NSMCE2: variants seen among roughly 807,000 people sequenced by gnomAD.
NSMCE2 encodes the protein NSE2 SUMO ligase component of SMC5/6 complex.
In NSMCE2, 24 loss-of-function variants were observed where a neutral mutation model predicts 23.8. That is an observed-to-expected ratio of 1.01 (90% CI 0.73 to 1.42). NSMCE2 has a LOEUF of 1.42. Ranked by LOEUF, NSMCE2 falls within the 40% of genes most tolerant of loss-of-function variation. NSMCE2 has a pLI of 0.00. For missense variants in NSMCE2, 284 were observed against 296.5 expected (o/e 0.96, Z 0.31); for synonymous variants, 92 against 94.1 (o/e 0.98, Z 0.13).
At chr8:125,325,137 CTACT>C (rs1342666825) in intron 5 of NSMCE2, among the ~76,000 whole-genome samples, 2 of 151,990 alleles carry the variant, frequency 1.3e-5, no homozygotes, top group Non-Finnish European at 2.9e-5. Flanking sequence ...GGACAGGAAG[CTACT>C]TACTTAAATG....
At chr8:125,333,505 C>CTTTTTTTTTTTTTTTTTTTTTTT in intron 5 of NSMCE2, among the ~76,000 whole-genome samples, 1 of 45,638 alleles carries the variant, frequency 2.2e-5, no homozygotes, top group Non-Finnish European at 3.8e-5. Flanking sequence ...CCTGGTGGTT[C>CTTTTTTTTTTTTTTTTTTTTTTT]TTTTTTTTTT....
intron 5 of NSMCE2, among the ~76,000 whole-genome samples, chr8:125,337,979 G>A (rs1050815105): frequency 2.0e-5 from 3 of 151,674 alleles, no homozygotes; most frequent in African/African-American, 7.3e-5. Context: ...TTTTAAGATA[G>A]TCTGATTCCT....
At chr8:125,331,548 A>G (rs1438117729) in intron 5 of NSMCE2, among the ~76,000 whole-genome samples, 1 of 152,192 alleles carries the variant, frequency 6.6e-6, no homozygotes, top group East Asian at 1.9e-4. Context: ...GGGAAAGATG[A>G]AAACTATAGA....
At chr8:125,186,732 T>C (rs765980978) in intron 5 of NSMCE2, among the ~76,000 whole-genome samples, 14 of 152,184 alleles carry the variant, frequency 9.2e-5, no homozygotes, top group Non-Finnish European at 1.5e-4. Context: ...ATTTTGAGGC[T>C]GGGTTCAGCC....
chr8:125,366,842 C>T lies in NSMCE2; in HGVS notation c.701C>T (p.Ala234Val). 2.5e-6 allele frequency: 4 copies of T among 1,612,572 alleles called. No homozygotes were observed. The African/African-American group carries it at 5.3e-5, about 22-fold the overall frequency. ...DLIQDEALRR[A>V]IENHNKKRHR... is the part of the protein sequence containing the mutation. ...ATCCAGGATGAAGCACTTAGAAGGG[C>T]AATTGAGAACCATAACAAGAAAAGA... Residue 234 changes from alanine to valine, a missense_variant, in exon 8 of 8, where the codon GCA becomes GTA. Ala to Val is a moderately conservative substitution (Grantham distance 64). This residue lies in a region of NSMCE2 where 102 missense variants were observed against 141.0 expected (regional missense o/e 0.72). Coordinates refer to ENST00000287437, the MANE Select transcript of NSMCE2 (RefSeq NM_173685.4).
chr8:125,310,119 T>C (rs926064794), intron 5 of NSMCE2, among the ~76,000 whole-genome samples: 2 of 152,198 alleles, frequency 1.3e-5, no homozygotes, highest in African/African-American at 4.8e-5. Flanking sequence ...AACTAATCGT[T>C]TGTGTAACTG....
At chr8:125,208,591 A>G (rs1824204740) in intron 5 of NSMCE2, among the ~76,000 whole-genome samples, 1 of 152,246 alleles carries the variant, frequency 6.6e-6, no homozygotes, top group African/African-American at 2.4e-5. Flanking sequence ...AGAGAAATAT[A>G]AACTGAGTGC....
intron 5 of NSMCE2, among the ~76,000 whole-genome samples, chr8:125,302,678 C>T (rs773171647): frequency 2.6e-5 from 4 of 152,194 alleles, no homozygotes; most frequent in Non-Finnish European, 2.9e-5. Context: ...AATGGCCTGT[C>T]CCGAGAAAGG....
chr8:125,282,305 G>A (rs1053817659), intron 5 of NSMCE2, among the ~76,000 whole-genome samples: 2 of 151,834 alleles, frequency 1.3e-5, no homozygotes, highest in Non-Finnish European at 2.9e-5. Flanking sequence ...GTAGAGCCGG[G>A]GTTTCACCAT....
Position 125,231,628 on chromosome 8 carries a change from C to G in NSMCE2, c.418+49372C>G, listed in dbSNP as rs145035086. Among the ~76,000 whole-genome samples, 9 of 152,260 alleles carry G rather than the reference C, an allele frequency of 5.9e-5. 1 individual carries two copies. Among genetic ancestry groups the G allele is most frequent in the African/African-American group, 2.2e-4 (9 of 41,558 alleles). On this transcript the variant is annotated intron_variant, in intron 5 of 7. Transcript: ENST00000287437. The stretch of plus-strand genomic sequence containing the variant: ...TTCTGAAAAAGTGGATTAGAAAACA[C>G]CAGTGTGTATCATGCATAGGAAGAA...
At chr8:125,233,661 AG>A (rs1478868027) in intron 5 of NSMCE2, among the ~76,000 whole-genome samples, 1 of 152,216 alleles carries the variant, frequency 6.6e-6, no homozygotes, top group Admixed American at 6.5e-5. Context: ...TATTAATACA[AG>A]GAAGTTTATG....
intron 5 of NSMCE2, 27 bp from the exon 6 acceptor site, chr8:125,357,192 G>A (rs201826786): frequency 1.4e-6 from 2 of 1,403,094 alleles, no homozygotes; most frequent in Admixed American, 3.4e-5. Context: ...GACCAGAGAG[G>A]CTTATCAACT....
intron 5 of NSMCE2, among the ~76,000 whole-genome samples, chr8:125,284,468 G>C (rs182451288): frequency 5.3e-5 from 8 of 151,236 alleles, no homozygotes; most frequent in South Asian, 2.1e-4. Context: ...GAACCAGAGA[G>C]GTTCTATCCT....
chr8:125,092,771 C>G (rs1817730676), intron 1 of NSMCE2, among the ~76,000 whole-genome samples: 1 of 152,162 alleles, frequency 6.6e-6, no homozygotes, highest in African/African-American at 2.4e-5. Flanking sequence ...TCTTGGAGAT[C>G]ATAGGTACCG....
At chr8:125,161,536 A>G (rs1040383509) in intron 4 of NSMCE2, among the ~76,000 whole-genome samples, 126 of 152,216 alleles carry the variant, frequency 8.3e-4, no homozygotes, top group African/African-American at 2.9e-3. Context: ...GGTGGCTCAC[A>G]CCTGTAATTC....
intron 5 of NSMCE2, among the ~76,000 whole-genome samples, chr8:125,191,205 T>C (rs1586588252): frequency 6.6e-6 from 1 of 152,176 alleles, no homozygotes; most frequent in East Asian, 1.9e-4. Context: ...CTTTCAGCTC[T>C]ATTAGATGGC....
At position 125,170,376 on chromosome 8, in the gene NSMCE2, CTTTTTTTTTTTTTTTTTTTTT is replaced by C. The variant is rs565593006; in HGVS notation, c.265-11708_265-11688del. ...CATCAATAAACCTTACTCTTTATTT[CTTTTTTTTTTTTTTTTTTTTT>C]TTTTTTTTTTTTTTTTTTAAGACAG... On this transcript the variant is annotated intron_variant, in intron 4 of 7. Coordinates refer to ENST00000287437, the MANE Select transcript of NSMCE2 (RefSeq NM_173685.4). Among the ~76,000 whole-genome samples, 301 of 37,868 alleles carry C rather than the reference CTTTTTTTTTTTTTTTTTTTTT, an allele frequency of 7.9e-3. 5 individuals are homozygous for C. Among genetic ancestry groups the C allele is most frequent in the Middle Eastern group, 0.045 (2 of 44 alleles). 24.8% of individuals were successfully genotyped at this position (37,868 alleles called of 152,430 possible). A position where few individuals can be genotyped will look rare whatever the true frequency, so the allele number is the denominator to read the frequency against.
intron 5 of NSMCE2, among the ~76,000 whole-genome samples, chr8:125,228,504 G>C (rs538894243): frequency 1.3e-5 from 2 of 152,216 alleles, no homozygotes; most frequent in Non-Finnish European, 2.9e-5. Context: ...TTGACCAGCA[G>C]AATCAAGGGA....
intron 5 of NSMCE2, among the ~76,000 whole-genome samples, chr8:125,311,979 A>C (rs1420115834): frequency 6.6e-6 from 1 of 150,980 alleles, no homozygotes; most frequent in Non-Finnish European, 1.5e-5. Flanking sequence ...GAGGCAGGAG[A>C]ATCACTTGAA....
Sources: allele counts gnomAD v4.1 joint callset (sites outside exome capture counted in the v4.1 genomes callset), GRCh38; gene constraint gnomAD v4.1.1; regional missense constraint gnomAD v4.1.1; transcripts MANE v1.5; gene names NCBI Gene and HGNC (gene_info 2026-07-23, HGNC 2026-07-21).